GAN: variants seen among roughly 807,000 people sequenced by gnomAD.
GAN encodes the protein gigaxonin.
A neutral mutation model predicts 71.3 loss-of-function variants in GAN; 48 were observed. The observed-to-expected ratio is 0.67, with a 90% CI of 0.53 to 0.86. The LOEUF is 0.86. GAN is among the 40% of genes least tolerant of loss of function. The probability of loss-of-function intolerance (pLI) is 0.00; values close to 1 mark genes in which losing one functional copy is unlikely to be tolerated. For synonymous variants in GAN, 386 were observed against 276.8 expected (o/e 1.39, Z -3.92); for missense variants, 928 against 770.1 (o/e 1.21, Z -2.43).
At position 81,363,666 on chromosome 16, in the gene GAN, G is replaced by A. The variant is rs1597406281; in HGVS notation, c.1087-128G>A. On this transcript the variant is annotated intron_variant, in intron 6 of 10. Coordinates refer to ENST00000648994, the MANE Select transcript of GAN (RefSeq NM_022041.4). Reference sequence around the variant, plus strand: ...CCCTTGCTCCTCTCCCTGTCTCCTTGCTCTAGGAGTCCCCATTGTCTATTT... The same window carrying A: ...CCCTTGCTCCTCTCCCTGTCTCCTTACTCTAGGAGTCCCCATTGTCTATTT... 1.0e-5 allele frequency: 9 copies of A among 882,398 alleles called. No individual in the cohort carries two copies. The South Asian group carries it at 1.1e-4, about 11-fold the overall frequency. 54.7% of individuals were successfully genotyped at this position (882,398 alleles called of 1,614,324 possible).
chr16:81,385,503 A>G lies in GAN; in HGVS notation c.*7907A>G, dbSNP rs375122971. 2.6e-5 allele frequency: 4 copies of G among 152,270 alleles called. No homozygotes were observed. The highest frequency in any genetic ancestry group is 9.6e-5 in the African/African-American group (4 of 41,564). The allele number at this position is 152,270 out of a possible 1,614,324, so 9.4% of individuals were successfully genotyped here. A position where few individuals can be genotyped will look rare whatever the true frequency, so the allele number is the denominator to read the frequency against. On this transcript the variant is annotated 3_prime_UTR_variant, in exon 11 of 11. Coordinates refer to ENST00000648994, the MANE Select transcript of GAN (RefSeq NM_022041.4). ...GCTCCGTTTCTTATGTGGAAGAAGA[A>G]TAGCAGGAGGACTCACCTCTGCGGG... is the stretch of plus-strand genomic sequence containing the variant.
rs1482212971 is a variant in GAN at position 81,379,945 on chromosome 16, C to T, written c.*2349C>T. The T allele has an allele frequency of 6.6e-6, 1 of 151,642 alleles. No individual in the cohort carries two copies. The highest frequency in any genetic ancestry group is 1.5e-5 in the Non-Finnish European group (1 of 67,924). 9.4% of individuals were successfully genotyped at this position (151,642 alleles called of 1,614,324 possible). A position where few individuals can be genotyped will look rare whatever the true frequency, so the allele number is the denominator to read the frequency against. ...TTTTTTTTTAATTTCAGTTCATTGA[C>T]TCTATAACTGCAGAAATTAGATAAT... On this transcript the variant is annotated 3_prime_UTR_variant, in exon 11 of 11. Transcript: ENST00000648994.
intron 1 of GAN, among the ~76,000 whole-genome samples, chr16:81,330,102 A>G (rs989479387): frequency 6.6e-6 from 1 of 152,056 alleles, no homozygotes; most frequent in Non-Finnish European, 1.5e-5. Flanking sequence ...CCTTCTCTTC[A>G]CCATTGCCAC....
intron 1 of GAN, among the ~76,000 whole-genome samples, chr16:81,343,115 C>G (rs1039715186): frequency 1.3e-5 from 2 of 152,136 alleles, no homozygotes; most frequent in African/African-American, 2.4e-5. Flanking sequence ...ATAACAGGTT[C>G]TGAAATTGAG....
At chr16:81,344,130 A>C (rs541135068) in intron 1 of GAN, among the ~76,000 whole-genome samples, 4 of 152,216 alleles carry the variant, frequency 2.6e-5, no homozygotes, top group African/African-American at 9.6e-5. Flanking sequence ...AACAATGGAA[A>C]AACATTCCAT....
chr16:81,334,852 C>G (rs555848526), intron 1 of GAN, among the ~76,000 whole-genome samples: 39 of 152,338 alleles, frequency 2.6e-4, no homozygotes, highest in Admixed American at 3.3e-4. Context: ...CACTGGTTCT[C>G]TAACCTGGCT....
chr16:81,361,229 AC>A (rs1417874899), intron 5 of GAN, among the ~76,000 whole-genome samples: 1 of 152,146 alleles, frequency 6.6e-6, no homozygotes, highest in African/African-American at 2.4e-5. Flanking sequence ...TCTTTAAAAA[AC>A]AAAAAAAATC....
Position 81,364,170 on chromosome 16 carries a change from C to T in GAN, c.1236+227C>T, listed in dbSNP as rs972452486. Among the ~76,000 whole-genome samples, 11 of 152,272 alleles carry T rather than the reference C, an allele frequency of 7.2e-5. No individual in the cohort carries two copies. In the East Asian group the frequency reaches 9.6e-4, roughly 13 times the overall value. On this transcript the variant is annotated intron_variant, in intron 7 of 10. Coordinates refer to ENST00000648994, the MANE Select transcript of GAN (RefSeq NM_022041.4). ...CCTGCTTGTGGGCCCTGTGCAGCAC[C>T]GCTGTGTGTCAAGCTCCACATTTGA...
chr16:81,337,211 G>A (rs113241902), intron 1 of GAN, among the ~76,000 whole-genome samples: 106 of 152,102 alleles, frequency 7.0e-4, no homozygotes, highest in African/African-American at 2.6e-3. Flanking sequence ...TAAATGAAGA[G>A]GCTACACAGG....
chr16:81,377,602 AAGCAG>A lies in GAN; in HGVS notation c.*14_*18del. 1 of 1,613,478 alleles carries A rather than the reference AAGCAG, an allele frequency of 6.2e-7. No individual in the cohort carries two copies. The highest frequency in any genetic ancestry group is 8.5e-7 in the Non-Finnish European group (1 of 1,179,472). On this transcript the variant is annotated 3_prime_UTR_variant, in exon 11 of 11. Coordinates refer to ENST00000648994, the MANE Select transcript of GAN (RefSeq NM_022041.4). ...TTCGTGTTCATTCCCCTTGAGGAGG[AAGCAG>A]AGCAGAGTGCGAGATCCTGACCCAA...
In GAN at chr16:81,384,190, C is replaced by A. The variant is rs1385592502; in HGVS notation, c.*6594C>A. 6.6e-6 allele frequency: 1 copy of A among 151,638 alleles called. No individual in the cohort carries two copies. Among genetic ancestry groups the A allele is most frequent in the Admixed American group, 6.6e-5 (1 of 15,208 alleles). The allele number at this position is 151,638 out of a possible 1,614,324, so 9.4% of individuals were successfully genotyped here. A position where few individuals can be genotyped will look rare whatever the true frequency, so the allele number is the denominator to read the frequency against. On this transcript the variant is annotated 3_prime_UTR_variant, in exon 11 of 11. Coordinates refer to ENST00000648994, the MANE Select transcript of GAN (RefSeq NM_022041.4). ...ATGTAGTATTGTGCTTGATCCCCTG[C>A]CAATTGAGAAGAATTCAACACATTC...
intron 5 of GAN, among the ~76,000 whole-genome samples, chr16:81,361,862 T>C (rs750199195): frequency 2.6e-5 from 4 of 152,184 alleles, no homozygotes; most frequent in Non-Finnish European, 4.4e-5. Context: ...GCCCGGCTAA[T>C]TTCATTATTT....
At chr16:81,344,996 A>G (rs1910069250) in intron 1 of GAN, among the ~76,000 whole-genome samples, 1 of 152,266 alleles carries the variant, frequency 6.6e-6, no homozygotes, top group Non-Finnish European at 1.5e-5. Context: ...ACAGACATGA[A>G]AAAATGCTCA....
At chr16:81,363,292 G>C (rs1181166072) in intron 6 of GAN, among the ~76,000 whole-genome samples, 3 of 152,098 alleles carry the variant, frequency 2.0e-5, no homozygotes, top group African/African-American at 7.2e-5. Flanking sequence ...AGCTATTATG[G>C]GTTAAAAAGT....
At chr16:81,337,362 A>G (rs529145483) in intron 1 of GAN, among the ~76,000 whole-genome samples, 14 of 152,352 alleles carry the variant, frequency 9.2e-5, no homozygotes, top group African/African-American at 3.1e-4. Context: ...TGAACATTAC[A>G]TTCTCTTGCA....
chr16:81,356,140 A>T (rs1910477532), intron 3 of GAN, among the ~76,000 whole-genome samples: 2 of 152,172 alleles, frequency 1.3e-5, no homozygotes, highest in African/African-American at 4.8e-5. Context: ...GTCAGTTTAA[A>T]CTTCATGCTG....
Position 81,357,848 on chromosome 16 carries a change from C to G in GAN, c.890C>G (p.Pro297Arg), listed in dbSNP as rs771785420. The G allele has an allele frequency of 2.5e-6, 4 of 1,613,148 alleles. No homozygotes were observed. Among genetic ancestry groups the G allele is most frequent in the East Asian group, 2.2e-5 (1 of 44,880 alleles). The change falls in exon 5 of 11, where the codon CCT becomes CGT. Residue 297 changes from proline (P) to arginine (R), a missense_variant. Transcript: ENST00000648994. The stretch of plus-strand genomic sequence containing the variant: ...ACAGCAGCGATGCGATGCATGTGCC[C>G]TCTCTATGACCCTAACAGGCAGCTT... ...KPTAAMRCMC[P>R]LYDPNRQLWI...
Position 81,383,642 on chromosome 16 carries a change from A to G in GAN, c.*6046A>G, listed in dbSNP as rs1465848337. On this transcript the variant is annotated 3_prime_UTR_variant, in exon 11 of 11. Transcript: ENST00000648994. ...GGCCTGATTATAAATGTTGATAATA[A>G]TTTCTTCCTGGCTCAACAAAGTTGT... 1 of 151,732 alleles carries G rather than the reference A, an allele frequency of 6.6e-6. No homozygotes were observed. Among genetic ancestry groups the G allele is most frequent in the African/African-American group, 2.4e-5 (1 of 41,280 alleles). 9.4% of individuals were successfully genotyped at this position (151,732 alleles called of 1,614,324 possible).
intron 1 of GAN, among the ~76,000 whole-genome samples, chr16:81,343,823 A>G (rs1910027047): frequency 6.6e-6 from 1 of 152,230 alleles, no homozygotes; most frequent in Admixed American, 6.5e-5. Flanking sequence ...AAAGGAAGTC[A>G]AATTGTCTCT....
Sources: gnomAD v4.1 joint callset for allele counts (sites outside exome capture counted in the v4.1 genomes callset) on GRCh38, gnomAD v4.1.1 for gene constraint, MANE v1.5 for transcripts, NCBI Gene and HGNC (gene_info 2026-07-23, HGNC 2026-07-21) for gene names.